VTI1A: variants seen among roughly 807,000 people sequenced by gnomAD.
VTI1A encodes the protein vesicle transport through interaction with t-SNAREs homolog 1A.
A neutral mutation model predicts 34.9 loss-of-function variants in VTI1A; 22 were observed. That is an observed-to-expected ratio of 0.63 (90% confidence interval 0.45 to 0.90). The LOEUF (loss-of-function observed/expected upper bound fraction) is 0.90, where lower values mean the gene tolerates loss of function less well. VTI1A is among the 40% of genes least tolerant of loss of function. The pLI is 0.00. For synonymous variants in VTI1A, 87 were observed against 97.3 expected, an observed-to-expected ratio of 0.89 and a Z score of 0.62; for missense variants, 268 against 275.6, an observed-to-expected ratio of 0.97 and a Z score of 0.20.
At chr10:112,520,605 GT>G (rs1415216336) in intron 3 of VTI1A, among the ~76,000 whole-genome samples, 2 of 146,192 alleles carry the variant, frequency 1.4e-5, no homozygotes, top group African/African-American at 5.1e-5. Context: ...TTGCAAATGG[GT>G]TTTTTAGTCT....
chr10:112,743,030 G>A (rs1470438065), intron 7 of VTI1A, among the ~76,000 whole-genome samples: 1 of 151,294 alleles, frequency 6.6e-6, no homozygotes, highest in African/African-American at 2.4e-5. Flanking sequence ...GTGTGTGTGT[G>A]TGTGTGTGTG....
intron 4 of VTI1A, among the ~76,000 whole-genome samples, chr10:112,537,311 G>GTGTATATATATATATATATATATA (rs1419438697): frequency 3.1e-5 from 2 of 65,222 alleles, no homozygotes; most frequent in Non-Finnish European, 7.1e-5. Context: ...AAGTATCTAG[G>GTGTATATATATATATATATATATA]TATATATATA....
the VTI1A span, among the ~76,000 whole-genome samples, chr10:112,853,133 G>A: frequency 6.6e-6 from 1 of 152,148 alleles, no homozygotes; most frequent in Non-Finnish European, 1.5e-5. Flanking sequence ...GTACAGCCAG[G>A]CAACCTGGCC....
chr10:112,708,458 A>G (rs1849278825), intron 7 of VTI1A, among the ~76,000 whole-genome samples: 3 of 152,226 alleles, frequency 2.0e-5, no homozygotes, highest in Non-Finnish European at 2.9e-5. Context: ...ATAAGGTCCC[A>G]TGTATTTCTT....
At chr10:112,490,342 C>A (rs1848778033) in intron 3 of VTI1A, among the ~76,000 whole-genome samples, 1 of 152,156 alleles carries the variant, frequency 6.6e-6, no homozygotes, top group Non-Finnish European at 1.5e-5. Context: ...TATTGAAAGT[C>A]ACAGTGAAAT....
intron 7 of VTI1A, among the ~76,000 whole-genome samples, chr10:112,761,778 G>C (rs796405825): frequency 0.017 from 2,468 of 144,546 alleles, 34 homozygotes; most frequent in Admixed American, 0.035. Context: ...CTCTGTGTGT[G>C]TGTGTGTGTG....
At chr10:112,810,964 A>AG (rs397764601) in intron 7 of VTI1A, among the ~76,000 whole-genome samples, 1 of 151,674 alleles carries the variant, frequency 6.6e-6, no homozygotes, top group Non-Finnish European at 1.5e-5. Context: ...GAAAAAAAAA[A>AG]TCTTATCAGT....
intron 7 of VTI1A, among the ~76,000 whole-genome samples, chr10:112,736,111 G>GTATGTATATATATATATATA (rs1554953491): frequency 4.3e-5 from 5 of 116,224 alleles, no homozygotes; most frequent in African/African-American, 1.9e-4. Context: ...ATGTGTGTGT[G>GTATGTATATATATATATATA]TATATATATA....
At position 112,799,237 on chromosome 10, in the gene VTI1A, G is replaced by A. The variant is rs948865645; in HGVS notation, c.561-16053G>A. On this transcript the variant is annotated intron_variant, in intron 7 of 7. Coordinates refer to ENST00000393077, the MANE Select transcript of VTI1A (RefSeq NM_145206.4). ...CTCCAGGAGGGTAAGGCAGGGATGC[G>A]CTCACCACCACTCCCTCTTCCTTTT... Among the ~76,000 whole-genome samples the A allele has an allele frequency of 2.6e-5, 4 of 152,230 alleles. No homozygotes were observed. In the South Asian group the frequency reaches 6.2e-4, roughly 24 times the overall value.
chr10:112,772,731 G>T (rs1474448538), intron 7 of VTI1A, among the ~76,000 whole-genome samples: 2 of 152,178 alleles, frequency 1.3e-5, no homozygotes, highest in Admixed American at 6.5e-5. Context: ...GTGAGGTAAG[G>T]TTCCAACTGT....
intron 3 of VTI1A, among the ~76,000 whole-genome samples, chr10:112,466,323 G>A (rs753824769): frequency 2.0e-5 from 3 of 152,130 alleles, no homozygotes; most frequent in Non-Finnish European, 2.9e-5. Context: ...TTGCAGTTAT[G>A]CATGCTTGTT....
At chr10:112,715,019 T>C (rs752664597) in intron 7 of VTI1A, among the ~76,000 whole-genome samples, 2 of 152,204 alleles carry the variant, frequency 1.3e-5, no homozygotes, top group Non-Finnish European at 2.9e-5. Context: ...ATATTTCCTC[T>C]TTTAAGTTGT....
intron 7 of VTI1A, among the ~76,000 whole-genome samples, chr10:112,760,377 C>T (rs941471051): frequency 3.3e-5 from 5 of 151,430 alleles, no homozygotes; most frequent in African/African-American, 9.7e-5. Flanking sequence ...TGAATATGGT[C>T]TCTCTCTCTC....
chr10:112,815,998 C>T lies in VTI1A; in HGVS notation c.*615C>T. 4.5e-6 allele frequency: 1 copy of T among 224,634 alleles called. No individual in the cohort carries two copies. The highest frequency in any genetic ancestry group is 8.9e-6 in the Non-Finnish European group (1 of 112,924). 13.9% of individuals were successfully genotyped at this position (224,634 alleles called of 1,614,324 possible). On this transcript the variant is annotated 3_prime_UTR_variant, in exon 8 of 8. Coordinates refer to ENST00000393077, the MANE Select transcript of VTI1A (RefSeq NM_145206.4). ...TTCTATTGCATAATTTTTTTTTTAA[C>T]CCAAAGATATTTTTTTTGCTGAGCC... is the stretch of plus-strand genomic sequence containing the variant.
intron 3 of VTI1A, among the ~76,000 whole-genome samples, chr10:112,480,543 C>T (rs1564794067): frequency 6.6e-6 from 1 of 151,996 alleles, no homozygotes; most frequent in South Asian, 2.1e-4. Flanking sequence ...TGTGCATGTG[C>T]GTGTAGGCAT....
intron 5 of VTI1A, among the ~76,000 whole-genome samples, chr10:112,614,636 A>G (rs990555593): frequency 6.6e-6 from 1 of 152,234 alleles, no homozygotes; most frequent in African/African-American, 2.4e-5. Context: ...TTTAATGGAC[A>G]GGTAGACACT....
At chr10:112,774,136 T>C (rs1044240988) in intron 7 of VTI1A, among the ~76,000 whole-genome samples, 2 of 152,192 alleles carry the variant, frequency 1.3e-5, no homozygotes, top group African/African-American at 4.8e-5. Flanking sequence ...AATGTTTCGA[T>C]GTGGAGGGTG....
chr10:112,549,751 A>G (rs1232442587), intron 5 of VTI1A, among the ~76,000 whole-genome samples: 1 of 152,070 alleles, frequency 6.6e-6, no homozygotes, highest in Non-Finnish European at 1.5e-5. Context: ...ACCAGATCCT[A>G]TGAATTTTTA....
chr10:112,447,025 C>T, upstream of VTI1A: 1 of 278,238 alleles, frequency 3.6e-6, no homozygotes, highest in Non-Finnish European at 7.1e-6. Flanking sequence ...GGATCCGGAG[C>T]CGATTCCCAG....
Sources: allele counts gnomAD v4.1 joint callset (sites outside exome capture counted in the v4.1 genomes callset), GRCh38; gene constraint gnomAD v4.1.1; transcripts MANE v1.5; gene names NCBI Gene and HGNC (gene_info 2026-07-23, HGNC 2026-07-21).